Variants in OLFM3 observed in about 807,000 individuals in gnomAD.
OLFM3 encodes the protein olfactomedin 3.
In OLFM3, 20 loss-of-function variants were observed where a neutral mutation model predicts 48.6. That is an observed-to-expected ratio of 0.41 (90% CI 0.29 to 0.60). The LOEUF (loss-of-function observed/expected upper bound fraction) is 0.60, where lower values mean the gene tolerates loss of function less well. Ranked by LOEUF, OLFM3 falls within the 20% of genes least tolerant of loss-of-function variation. The pLI, the probability that OLFM3 is intolerant of heterozygous loss-of-function variation, is 0.28. For synonymous variants in OLFM3, 222 were observed against 198.1 expected, an observed-to-expected ratio of 1.12 and a Z score of -1.01; for missense variants, 437 against 544.3, an observed-to-expected ratio of 0.80 and a Z score of 1.96.
In OLFM3 at chr1:101,825,283, A is replaced by G. The variant is rs562220059; in HGVS notation, c.373-38T>C. The stretch of plus-strand genomic sequence containing the variant: ...GCCTATTGTTCCTGAGAGTCATTTA[A>G]AACAGATCATGCTGCTCTGTTCTTT... On this transcript the variant is annotated intron_variant, in intron 3 of 5. Coordinates refer to ENST00000370103, the MANE Select transcript of OLFM3 (RefSeq NM_058170.4). The G allele has an allele frequency of 3.5e-5, 52 of 1,496,030 alleles. 1 individual carries two copies. In the South Asian group the frequency reaches 4.8e-4, roughly 14 times the overall value. 92.7% of individuals were successfully genotyped at this position (1,496,030 alleles called of 1,614,324 possible).
intron 1 of OLFM3, among the ~76,000 whole-genome samples, chr1:101,983,926 G>A (rs1262784294): frequency 2.0e-5 from 3 of 152,132 alleles, no homozygotes; most frequent in Non-Finnish European, 4.4e-5. Flanking sequence ...GACAGCGATG[G>A]AGAAGGAAAA....
chr1:101,865,569 T>C (rs960385636), intron 1 of OLFM3, among the ~76,000 whole-genome samples: 15 of 152,190 alleles, frequency 9.9e-5, no homozygotes, highest in Non-Finnish European at 1.6e-4. Flanking sequence ...TAAAGACACA[T>C]TGATTCCTTC....
chr1:101,990,750 C>T (rs1322372718), intron 1 of OLFM3, among the ~76,000 whole-genome samples: 2 of 151,612 alleles, frequency 1.3e-5, no homozygotes, highest in African/African-American at 4.8e-5. Context: ...CTTTGGGAGG[C>T]TGAGGCGGCA....
intron 1 of OLFM3, among the ~76,000 whole-genome samples, chr1:101,860,455 G>A (rs1656604758): frequency 6.6e-6 from 1 of 151,882 alleles, no homozygotes; most frequent in Admixed American, 6.5e-5. Context: ...CAATCATGAA[G>A]AGATATGTTT....
intron 1 of OLFM3, among the ~76,000 whole-genome samples, chr1:101,841,812 A>G (rs1655735012): frequency 6.6e-6 from 1 of 152,238 alleles, no homozygotes. Flanking sequence ...AAAGGGATAT[A>G]GCTACTGAAA....
chr1:101,825,633 T>A (rs1291997058), intron 3 of OLFM3, among the ~76,000 whole-genome samples: 1 of 152,202 alleles, frequency 6.6e-6, no homozygotes, highest in Non-Finnish European at 1.5e-5. Flanking sequence ...ATGAATTAAG[T>A]TTGAATAAAG....
intron 1 of OLFM3, among the ~76,000 whole-genome samples, chr1:101,886,192 C>T (rs1657752629): frequency 6.6e-6 from 1 of 151,846 alleles, no homozygotes; most frequent in Non-Finnish European, 1.5e-5. Context: ...AGGTTGCACC[C>T]TCTCCCCACA....
chr1:101,821,235 A>G (rs1461395749), intron 4 of OLFM3, among the ~76,000 whole-genome samples: 2 of 152,132 alleles, frequency 1.3e-5, no homozygotes, highest in Non-Finnish European at 2.9e-5. Flanking sequence ...TTGCCAGGAA[A>G]TGTAAATACT....
At chr1:101,911,653 C>T (rs1658763486) in intron 1 of OLFM3, among the ~76,000 whole-genome samples, 1 of 152,146 alleles carries the variant, frequency 6.6e-6, no homozygotes, top group African/African-American at 2.4e-5. Context: ...GAGCTTTACA[C>T]ATACAGTTAA....
intron 1 of OLFM3, among the ~76,000 whole-genome samples, chr1:101,992,783 C>G (rs1661450561): frequency 6.6e-6 from 1 of 151,990 alleles, no homozygotes; most frequent in African/African-American, 2.4e-5. Flanking sequence ...ATGAAACATT[C>G]AACAATATAA....
rs1658693011 is a variant in OLFM3, at chr1:101,909,947, T to C, written c.70-72922A>G. The C allele has an allele frequency of 4.1e-6, 4 of 984,620 alleles. No individual in the cohort carries two copies. The Admixed American group carries it at 2.5e-4, about 61-fold the overall frequency. 61.0% of individuals were successfully genotyped at this position (984,620 alleles called of 1,614,324 possible). On this transcript the variant is annotated intron_variant, in intron 1 of 5. Coordinates refer to ENST00000370103, the MANE Select transcript of OLFM3 (RefSeq NM_058170.4). ...GGTGTCCAGGTAAACTATAGACTCA[T>C]CCAATAATCTTCAAGGTACCACATA... is the stretch of plus-strand genomic sequence containing the variant.
At chr1:101,889,579 C>T (rs1003040458) in intron 1 of OLFM3, among the ~76,000 whole-genome samples, 19 of 151,846 alleles carry the variant, frequency 1.3e-4, no homozygotes, top group Middle Eastern at 3.2e-3. Context: ...TGCAGCACAC[C>T]AACATAGCAC....
chr1:101,914,981 T>C (rs1658874745), intron 1 of OLFM3, among the ~76,000 whole-genome samples: 1 of 152,188 alleles, frequency 6.6e-6, no homozygotes, highest in African/African-American at 2.4e-5. Flanking sequence ...CTTGATTTCA[T>C]TCCTCACTTG....
At chr1:101,902,084 G>C (rs1658405777) in intron 1 of OLFM3, among the ~76,000 whole-genome samples, 1 of 151,884 alleles carries the variant, frequency 6.6e-6, no homozygotes, top group East Asian at 1.9e-4. Flanking sequence ...AGGAGGAAGG[G>C]GAAATAGAAC....
chr1:101,902,503 G>A (rs533616658), intron 1 of OLFM3, among the ~76,000 whole-genome samples: 1 of 151,974 alleles, frequency 6.6e-6, no homozygotes, highest in Non-Finnish European at 1.5e-5. Context: ...AGACATTAAA[G>A]ATGGAAATGA....
chr1:101,960,699 T>C (rs1375239805), intron 1 of OLFM3, among the ~76,000 whole-genome samples: 2 of 152,150 alleles, frequency 1.3e-5, no homozygotes, highest in African/African-American at 2.4e-5. Flanking sequence ...TCTCTTTTGA[T>C]TGGCACATTC....
rs533587110 is a variant in OLFM3, at chr1:101,803,536, A to G, written c.*702T>C. 3 of 152,322 alleles carry G rather than the reference A, an allele frequency of 2.0e-5. No homozygotes were observed. In the South Asian group the frequency reaches 6.2e-4, roughly 32 times the overall value. 9.4% of individuals were successfully genotyped at this position (152,322 alleles called of 1,614,324 possible). On this transcript the variant is annotated 3_prime_UTR_variant, in exon 6 of 6. Coordinates refer to ENST00000370103, the MANE Select transcript of OLFM3 (RefSeq NM_058170.4). ...GCTTATGTAAAGGGGTAAGCCAAGA[A>G]GATTATTCTTGACCACACTTGAAAA...
At chr1:101,855,476 A>C (rs1418524428) in intron 1 of OLFM3, among the ~76,000 whole-genome samples, 1 of 152,130 alleles carries the variant, frequency 6.6e-6, no homozygotes, top group Non-Finnish European at 1.5e-5. Flanking sequence ...ATGCAAAAAA[A>C]TAGCCAATAT....
Position 101,850,905 on chromosome 1 carries a change from A to G in OLFM3, c.70-13880T>C, listed in dbSNP as rs376376425. ...GTACAAATACAGGGCTGAAGAAATTATTGAAGAAGGAGGAGGAGAAGAAAA... is the reference window on the plus strand; with the variant it reads ...GTACAAATACAGGGCTGAAGAAATTGTTGAAGAAGGAGGAGGAGAAGAAAA... On this transcript the variant is annotated intron_variant, in intron 1 of 5. Coordinates refer to ENST00000370103, the MANE Select transcript of OLFM3 (RefSeq NM_058170.4). Among the ~76,000 whole-genome samples, 407 of 150,850 alleles carry G rather than the reference A, an allele frequency of 2.7e-3. 3 individuals are homozygous for G. Among genetic ancestry groups the G allele is most frequent in the African/African-American group, 9.2e-3 (381 of 41,392 alleles).
Sources: allele counts gnomAD v4.1 joint callset (sites outside exome capture counted in the v4.1 genomes callset), GRCh38; gene constraint gnomAD v4.1.1; transcripts MANE v1.5; gene names NCBI Gene and HGNC (gene_info 2026-07-23, HGNC 2026-07-21).